PCYOX1L: variants seen among roughly 807,000 people sequenced by gnomAD.
The protein encoded by PCYOX1L is prenylcysteine oxidase 1 like.
In PCYOX1L, 40 loss-of-function variants were observed where a neutral mutation model predicts 44.1. That is an observed-to-expected ratio of 0.91 (90% CI 0.70 to 1.18). The LOEUF (loss-of-function observed/expected upper bound fraction) is 1.18. Among genes scored for constraint, PCYOX1L ranks in the 50% most tolerant of loss-of-function variants. PCYOX1L has a pLI of 0.00. For synonymous variants in PCYOX1L, 266 were observed against 282.8 expected, an observed-to-expected ratio of 0.94 and a Z score of 0.60; for missense variants, 605 against 653.3, an observed-to-expected ratio of 0.93 and a Z score of 0.81.
intron 4 of PCYOX1L, among the ~76,000 whole-genome samples, chr5:149,366,741 G>A (rs565237046): frequency 3.1e-4 from 47 of 152,200 alleles, no homozygotes; most frequent in African/African-American, 1.0e-3. Context: ...CACCTCCCTC[G>A]TACCCTCGAT....
rs371125961 is a variant in PCYOX1L, at chr5:149,362,874, C to T, written c.295+31C>T. The T allele has an allele frequency of 6.8e-6, 11 of 1,610,412 alleles. No individual in the cohort carries two copies. The African/African-American group carries it at 1.5e-4, about 21-fold the overall frequency. ...TGGTCAGTCCTGGGGCTCCAGTGCC[C>T]AGCGCCCTGGGGCTGGTGACAGCAC... On this transcript the variant is annotated intron_variant, in intron 2 of 5. Transcript: ENST00000274569.
Position 149,366,008 on chromosome 5 carries a change from G to C in PCYOX1L, c.537G>C (p.Gly179=). ...TGGAGGAGCTGCTCTACTCACTGGG[G>C]GAGTCCACCTTTGTTAACATGACCC... The part of the protein sequence containing the change: ...SGVEELLYSL[G]ESTFVNMTQH... Residue 179 remains glycine (G), a synonymous_variant, in exon 4 of 6, where the codon GGG becomes GGC. Transcript: ENST00000274569. The C allele has an allele frequency of 6.2e-7, 1 of 1,614,228 alleles. No individual in the cohort carries two copies. The highest frequency in any genetic ancestry group is 8.5e-7 in the Non-Finnish European group (1 of 1,180,042).
intron 1 of PCYOX1L, 163 bp from the exon 2 acceptor site, chr5:149,362,474 C>T (rs189113216): frequency 2.4e-4 from 163 of 689,090 alleles, no homozygotes; most frequent in Middle Eastern, 4.1e-4. Flanking sequence ...ATTAATAGCT[C>T]TACTGACAAC....
rs762017269 is a variant in PCYOX1L at position 149,362,516 on chromosome 5, T to C, written c.89-121T>C. 101 of 998,714 alleles carry C rather than the reference T, an allele frequency of 1.0e-4. 1 individual carries two copies. Among genetic ancestry groups the C allele is most frequent in the South Asian group, 7.6e-4 (51 of 67,020 alleles). 61.9% of individuals were successfully genotyped at this position (998,714 alleles called of 1,614,324 possible). ...CGCAGATTTCCTTTTGGAAATGTTATAAGCCTAGGAAATTTAAGCACCTGG... is the reference window on the plus strand; with the variant it reads ...CGCAGATTTCCTTTTGGAAATGTTACAAGCCTAGGAAATTTAAGCACCTGG... On this transcript the variant is annotated intron_variant, in intron 1 of 5. Transcript: ENST00000274569.
rs947414272 is a variant in PCYOX1L at position 149,364,267 on chromosome 5, G to A, written c.470+57G>A. 1.5e-5 allele frequency: 24 copies of A among 1,599,582 alleles called. No homozygotes were observed. The Admixed American group carries it at 2.5e-4, about 17-fold the overall frequency. Reference sequence around the variant, plus strand: ...CCAGGGGAACCGAGAAGAGGTGGGGGAGGAACCAGCTTGCCTGTACTTTGT... The same window carrying A: ...CCAGGGGAACCGAGAAGAGGTGGGGAAGGAACCAGCTTGCCTGTACTTTGT... On this transcript the variant is annotated intron_variant, in intron 3 of 5. Coordinates refer to ENST00000274569, the MANE Select transcript of PCYOX1L (RefSeq NM_024028.4).
At chr5:149,363,942 A>C in intron 2 of PCYOX1L, 94 bp from the exon 3 acceptor site, 3 of 1,401,908 alleles carry the variant, frequency 2.1e-6, no homozygotes, top group Non-Finnish European at 2.9e-6. Context: ...AACAAACCAT[A>C]GCATTTGTGT....
intron 2 of PCYOX1L, 89 bp downstream of exon 2, chr5:149,362,932 G>A (rs754350084): frequency 1.9e-5 from 27 of 1,405,400 alleles, no homozygotes; most frequent in Non-Finnish European, 2.6e-5. Context: ...GACCATCAAG[G>A]CCAGAAGGTC....
In PCYOX1L at chr5:149,364,268, A is replaced by G. The variant is rs1042110084; in HGVS notation, c.470+58A>G. The G allele has an allele frequency of 2.8e-5, 45 of 1,597,602 alleles. No individual in the cohort carries two copies. The East Asian group carries it at 9.6e-4, about 34-fold the overall frequency. ...CAGGGGAACCGAGAAGAGGTGGGGGAGGAACCAGCTTGCCTGTACTTTGTG... is the reference window on the plus strand; with the variant it reads ...CAGGGGAACCGAGAAGAGGTGGGGGGGGAACCAGCTTGCCTGTACTTTGTG... On this transcript the variant is annotated intron_variant, in intron 3 of 5. Coordinates refer to ENST00000274569, the MANE Select transcript of PCYOX1L (RefSeq NM_024028.4).
At chr5:149,367,939 G>C in intron 5 of PCYOX1L, 54 bp from the exon 6 acceptor site, 1 of 1,510,092 alleles carries the variant, frequency 6.6e-7, no homozygotes. Flanking sequence ...CCAGTAGGGA[G>C]TTCAGTGGGT....
intron 2 of PCYOX1L, chr5:149,363,068 G>A (rs1758065279): frequency 2.9e-6 from 2 of 679,838 alleles, no homozygotes; most frequent in African/African-American, 1.8e-5. Flanking sequence ...TCCTAGGCCA[G>A]TTTCTTTCCC....
Position 149,365,933 on chromosome 5 carries a change from G to A in PCYOX1L, c.471-9G>A. ...CTGCACAAGGACTCCAGCTCTATGT[G>A]TCTTCTAGGATCTATAAGTACCAGG... On this transcript the variant is annotated splice_polypyrimidine_tract_variant and intron_variant, in intron 3 of 5. Transcript: ENST00000274569. 6.2e-7 allele frequency: 1 copy of A among 1,614,042 alleles called. No homozygotes were observed. The highest frequency in any genetic ancestry group is 8.5e-7 in the Non-Finnish European group (1 of 1,179,958).
chr5:149,362,687 C>CA lies in PCYOX1L; in HGVS notation c.140dup (p.His48AlafsTer31). 1 of 1,614,222 alleles carries CA rather than the reference C, an allele frequency of 6.2e-7. No homozygotes were observed. The highest frequency in any genetic ancestry group is 1.3e-5 in the African/African-American group (1 of 75,068). On this transcript the variant is annotated frameshift_variant, in exon 2 of 6. Coordinates refer to ENST00000274569, the MANE Select transcript of PCYOX1L (RefSeq NM_024028.4). LOFTEE classifies it high-confidence loss of function. ...CTCTGCTGTGGCCCATTTTCTCCAG[C>CA]AGCACTTTGGACCTCGGGTGCAGAT...
rs1020946411 is a variant in PCYOX1L at position 149,368,001 on chromosome 5, G to A, written c.832G>A (p.Ala278Thr). The A allele has an allele frequency of 6.5e-7, 1 of 1,536,082 alleles. No homozygotes were observed. The highest frequency in any genetic ancestry group is 8.7e-7 in the Non-Finnish European group (1 of 1,144,482). Reference sequence around the variant, plus strand: ...TGCTCTTTTCTTTCCAGAGGGGAAAGCCCTGTACCAGGTGGCGTATGAGAA... The same window carrying A: ...TGCTCTTTTCTTTCCAGAGGGGAAAACCCTGTACCAGGTGGCGTATGAGAA... ...SVTLHSTEGKALYQVAYENEV... is the reference protein window; with the variant it reads ...SVTLHSTEGKTLYQVAYENEV... The change falls in exon 6 of 6, where the codon GCC becomes ACC. Residue 278 changes from alanine (A) to threonine (T), a missense_variant. Physicochemically the swap from Ala to Thr is moderately conservative, Grantham distance 58. Coordinates refer to ENST00000274569, the MANE Select transcript of PCYOX1L (RefSeq NM_024028.4).
chr5:149,364,166 G>A lies in PCYOX1L; in HGVS notation c.426G>A (p.Leu142=). Residue 142 remains leucine (L), a synonymous_variant, in exon 3 of 6, where the codon CTG becomes CTA. Transcript: ENST00000274569. ...GGTGGCACTATGGCATCAGCTTCCT[G>A]AGGCTGCAGATGTGGGTGGAGGAGG... is the stretch of plus-strand genomic sequence containing the variant. The part of the protein sequence containing the change: ...RLWWHYGISF[L]RLQMWVEEVM... 6.2e-7 allele frequency: 1 copy of A among 1,614,196 alleles called. No homozygotes were observed. Among genetic ancestry groups the A allele is most frequent in the Non-Finnish European group, 8.5e-7 (1 of 1,180,046 alleles).
rs763606512 is a variant in PCYOX1L, at chr5:149,365,978, G to A, written c.507G>A (p.Ser169=). 19 of 1,614,096 alleles carry A rather than the reference G, an allele frequency of 1.2e-5. No individual in the cohort carries two copies. Among genetic ancestry groups the A allele is most frequent in the South Asian group, 4.4e-5 (4 of 91,090 alleles). The change falls in exon 4 of 6, where the codon TCG becomes TCA. Residue 169 remains serine (S), a synonymous_variant. Coordinates refer to ENST00000274569, the MANE Select transcript of PCYOX1L (RefSeq NM_024028.4). ...ACCAGGCCCACGGCTATGCCTTCTC[G>A]GGTGTGGAGGAGCTGCTCTACTCAC... ...YKYQAHGYAF[S]GVEELLYSLG...
At chr5:149,363,884 A>G (rs1344606164) in intron 2 of PCYOX1L, 152 bp from the exon 3 acceptor site, 3 of 781,796 alleles carry the variant, frequency 3.8e-6, no homozygotes, top group Admixed American at 3.0e-5. Flanking sequence ...TAGTCCAAAC[A>G]TTTTCCCAGT....
Position 149,368,689 on chromosome 5 carries a change from C to G in PCYOX1L, c.*35C>G, listed in dbSNP as rs1381152045. ...GGAGAGCCTGGGAACTTTCATCCCC[C>G]ACTGAAGATGGATCATCCCACAGCA... On this transcript the variant is annotated 3_prime_UTR_variant, in exon 6 of 6. Coordinates refer to ENST00000274569, the MANE Select transcript of PCYOX1L (RefSeq NM_024028.4). 4.7e-6 allele frequency: 7 copies of G among 1,493,458 alleles called. No homozygotes were observed. Among genetic ancestry groups the G allele is most frequent in the African/African-American group, 4.2e-5 (3 of 71,456 alleles). 92.5% of individuals were successfully genotyped at this position (1,493,458 alleles called of 1,614,324 possible). A position where few individuals can be genotyped will look rare whatever the true frequency, so the allele number is the denominator to read the frequency against.
chr5:149,364,013 G>T (rs768410986), intron 2 of PCYOX1L, 23 bp from the exon 3 acceptor site: 2 of 1,612,256 alleles, frequency 1.2e-6, no homozygotes, highest in Non-Finnish European at 1.7e-6. Flanking sequence ...GGGGACCTGA[G>T]GGGCTCCTCT....
At position 149,368,243 on chromosome 5, in the gene PCYOX1L, C is replaced by T. The variant is rs775589304; in HGVS notation, c.1074C>T (p.Asn358=). The change falls in exon 6 of 6, where the codon AAC becomes AAT. Residue 358 remains asparagine (N), a synonymous_variant. Coordinates refer to ENST00000274569, the MANE Select transcript of PCYOX1L (RefSeq NM_024028.4). The stretch of plus-strand genomic sequence containing the variant: ...ACCCTAAGCTTTTCCCCTTTGCCAA[C>T]ATCCTTACCACAGATTTCCCCAGCT... The part of the protein sequence containing the change: ...FPDPKLFPFA[N]ILTTDFPSFF... The T allele has an allele frequency of 7.4e-6, 12 of 1,614,060 alleles. No individual in the cohort carries two copies. The highest frequency in any genetic ancestry group is 3.3e-5 in the Admixed American group (2 of 59,998).
Sources: gnomAD v4.1 joint callset for allele counts (sites outside exome capture counted in the v4.1 genomes callset) on GRCh38, gnomAD v4.1.1 for gene constraint, MANE v1.5 for transcripts, NCBI Gene and HGNC (gene_info 2026-07-23, HGNC 2026-07-21) for gene names.